Variants in RNGTT observed in about 807,000 individuals in gnomAD.
RNGTT encodes the protein RNA guanylyltransferase and 5'-phosphatase, also known as mRNA-capping enzyme.
In RNGTT, 33 loss-of-function variants were observed where a neutral mutation model predicts 79.3. The observed-to-expected ratio is 0.42, with a 90% confidence interval of 0.32 to 0.56. RNGTT has a LOEUF of 0.56. Among genes scored for constraint, RNGTT ranks in the 20% least tolerant of loss-of-function variants. The pLI, the probability that RNGTT is intolerant of heterozygous loss-of-function variation, is 0.17. For missense variants in RNGTT, 497 were observed against 739.1 expected (o/e 0.67, Z 3.80); for synonymous variants, 222 against 235.9 (o/e 0.94, Z 0.54).
At chr6:88,710,803 T>C (rs1173452909) in intron 13 of RNGTT, among the ~76,000 whole-genome samples, 2 of 152,196 alleles carry the variant, frequency 1.3e-5, no homozygotes, top group East Asian at 3.8e-4. Flanking sequence ...TATATAGCTT[T>C]CCAAACACTC....
chr6:88,688,095 G>A (rs1283938786), intron 13 of RNGTT, among the ~76,000 whole-genome samples: 2 of 152,218 alleles, frequency 1.3e-5, no homozygotes, highest in East Asian at 3.9e-4. Context: ...TATTCTCTAA[G>A]GCTACCAACA....
At chr6:88,871,888 T>C (rs181206719) in intron 8 of RNGTT, among the ~76,000 whole-genome samples, 2 of 152,234 alleles carry the variant, frequency 1.3e-5, no homozygotes, top group African/African-American at 2.4e-5. Context: ...ACGAAGAAGA[T>C]GGAAAAGACC....
At chr6:88,904,564 A>C in intron 6 of RNGTT, 151 bp downstream of exon 6, 1 of 921,322 alleles carries the variant, frequency 1.1e-6, no homozygotes, top group South Asian at 2.3e-5. Flanking sequence ...TTTCTCTCCA[A>C]AAAAAAAAAA....
intron 1 of RNGTT, among the ~76,000 whole-genome samples, chr6:88,961,344 TG>T (rs922653128): frequency 9.9e-5 from 15 of 151,938 alleles, no homozygotes; most frequent in Admixed American, 5.3e-4. Flanking sequence ...TGTATGTATG[TG>T]TGTGTGTGTA....
intron 12 of RNGTT, among the ~76,000 whole-genome samples, chr6:88,781,431 A>C (rs1488405779): frequency 6.6e-6 from 1 of 151,928 alleles, no homozygotes; most frequent in Admixed American, 6.6e-5. Flanking sequence ...TCCTTACTAT[A>C]ATATTAGTTT....
At chr6:88,899,008 A>C (rs1038869248) in intron 6 of RNGTT, among the ~76,000 whole-genome samples, 1 of 151,852 alleles carries the variant, frequency 6.6e-6, no homozygotes, top group Non-Finnish European at 1.5e-5. Flanking sequence ...TCGTTTTCAA[A>C]CTTTCTTTAA....
chr6:88,822,785 C>A (rs1238808088), intron 11 of RNGTT, among the ~76,000 whole-genome samples: 4 of 152,234 alleles, frequency 2.6e-5, no homozygotes, highest in Non-Finnish European at 5.9e-5. Flanking sequence ...GATCAACCAA[C>A]AAATACATCA....
At chr6:88,674,092 A>C (rs759800703) in intron 14 of RNGTT, among the ~76,000 whole-genome samples, 12 of 152,184 alleles carry the variant, frequency 7.9e-5, no homozygotes, top group Non-Finnish European at 1.6e-4. Context: ...GTACTTGAAT[A>C]CTTGTCATTA....
chr6:88,940,069 T>C (rs1376269448), intron 2 of RNGTT, among the ~76,000 whole-genome samples: 5 of 151,190 alleles, frequency 3.3e-5, no homozygotes, highest in African/African-American at 1.2e-4. Context: ...AGTTTTTCTT[T>C]TTTTTTTTTC....
chr6:88,722,469 G>A (rs1244143022), intron 13 of RNGTT, among the ~76,000 whole-genome samples: 6 of 152,162 alleles, frequency 3.9e-5, no homozygotes, highest in Admixed American at 3.9e-4. Context: ...CAGGAGAAGA[G>A]AAAGAATCAT....
chr6:88,762,145 C>G (rs1778287652), intron 13 of RNGTT, among the ~76,000 whole-genome samples: 1 of 152,096 alleles, frequency 6.6e-6, no homozygotes, highest in Admixed American at 6.5e-5. Context: ...ATTACTGGCT[C>G]AAGTTTAAAT....
intron 10 of RNGTT, among the ~76,000 whole-genome samples, chr6:88,846,175 T>C (rs1311611025): frequency 6.6e-6 from 1 of 152,220 alleles, no homozygotes; most frequent in Non-Finnish European, 1.5e-5. Flanking sequence ...AGATAGGTGT[T>C]GAATTACTGA....
Position 88,740,841 on chromosome 6 carries a change from A to G in RNGTT, c.1439+28933T>C, listed in dbSNP as rs560225223. Among the ~76,000 whole-genome samples, 12 of 152,304 alleles carry G rather than the reference A, an allele frequency of 7.9e-5. No individual in the cohort carries two copies. In the South Asian group the frequency reaches 2.5e-3, roughly 32 times the overall value. ...AAACTACCATGGCACACATATACCT[A>G]TGTAACAAACCTGCACGTTCTGCAC... is the stretch of plus-strand genomic sequence containing the variant. On this transcript the variant is annotated intron_variant, in intron 13 of 15. Transcript: ENST00000369485.
At chr6:88,847,481 A>T (rs971950556) in intron 10 of RNGTT, among the ~76,000 whole-genome samples, 57 of 152,322 alleles carry the variant, frequency 3.7e-4, no homozygotes, top group African/African-American at 1.3e-3. Flanking sequence ...TTGGTGATAC[A>T]AAATAAATAA....
At chr6:88,692,453 C>CAA (rs71754733) in intron 13 of RNGTT, among the ~76,000 whole-genome samples, 1 of 133,312 alleles carries the variant, frequency 7.5e-6, no homozygotes. Flanking sequence ...TAATACTCAG[C>CAA]AAAAAAAAAA....
chr6:88,755,049 C>G (rs1777963905), intron 13 of RNGTT, among the ~76,000 whole-genome samples: 1 of 152,050 alleles, frequency 6.6e-6, no homozygotes. Flanking sequence ...GTTGGGGTCT[C>G]CATGACCGAG....
intron 12 of RNGTT, among the ~76,000 whole-genome samples, chr6:88,780,454 G>A (rs931858648): frequency 6.6e-6 from 1 of 152,058 alleles, no homozygotes; most frequent in Non-Finnish European, 1.5e-5. Context: ...ACAGAATCTT[G>A]CTGAACTATA....
chr6:88,621,373 A>T (rs1442426875), intron 14 of RNGTT, among the ~76,000 whole-genome samples: 2 of 152,148 alleles, frequency 1.3e-5, no homozygotes, highest in Non-Finnish European at 2.9e-5. Context: ...CAGGAAAGAC[A>T]TTTCCTTAAA....
rs373620516 is a variant in RNGTT, at chr6:88,612,583, T to C, written c.*136A>G. ...ATTTACAGGCTGGCTACGATAACTTTCTTTTTTTAAAAAAAATTCAAATGT... is the reference window on the plus strand; with the variant it reads ...ATTTACAGGCTGGCTACGATAACTTCCTTTTTTTAAAAAAAATTCAAATGT... On this transcript the variant is annotated 3_prime_UTR_variant, in exon 16 of 16. Transcript: ENST00000369485. 178 of 978,026 alleles carry C rather than the reference T, an allele frequency of 1.8e-4. No individual in the cohort carries two copies. The East Asian group carries it at 3.9e-3, about 21-fold the overall frequency. The allele number at this position is 978,026 out of a possible 1,614,324, so 60.6% of individuals were successfully genotyped here.
Sources: gnomAD v4.1 joint callset for allele counts (sites outside exome capture counted in the v4.1 genomes callset) on GRCh38, gnomAD v4.1.1 for gene constraint, MANE v1.5 for transcripts, NCBI Gene and HGNC (gene_info 2026-07-23, HGNC 2026-07-21) for gene names.